GRIP1: variants seen among roughly 807,000 people sequenced by gnomAD.
GRIP1 encodes the protein glutamate receptor interacting protein 1, also known as glutamate receptor-interacting protein 1.
In GRIP1, 45 loss-of-function variants were observed where a neutral mutation model predicts 129.9. That is an observed-to-expected ratio of 0.35 (90% CI 0.27 to 0.44). The LOEUF (loss-of-function observed/expected upper bound fraction) is 0.44. GRIP1 is among the 20% of genes least tolerant of loss of function. The pLI, the probability that GRIP1 is intolerant of heterozygous loss-of-function variation, is 1.00. For missense variants in GRIP1, 1,196 were observed against 1,396.8 expected, an observed-to-expected ratio of 0.86 and a Z score of 2.29; for synonymous variants, 530 against 520.8, an observed-to-expected ratio of 1.02 and a Z score of -0.24.
chr12:66,611,386 T>C (rs1008447512), intron 1 of GRIP1, among the ~76,000 whole-genome samples: 7 of 152,156 alleles, frequency 4.6e-5, no homozygotes, highest in African/African-American at 1.4e-4. Context: ...ACAAACCTAA[T>C]TGAAAAAAGA....
At chr12:66,533,880 T>TAC (rs747153857) in intron 4 of GRIP1, among the ~76,000 whole-genome samples, 13 of 128,778 alleles carry the variant, frequency 1.0e-4, no homozygotes, top group South Asian at 2.6e-4. Flanking sequence ...CACACACACA[T>TAC]ACACACACTC....
At chr12:66,478,993 C>T (rs568072062) in intron 7 of GRIP1, among the ~76,000 whole-genome samples, 31 of 151,214 alleles carry the variant, frequency 2.1e-4, no homozygotes, top group African/African-American at 6.6e-4. Flanking sequence ...CAAACCTGCA[C>T]GTTGTGCACA....
Position 66,773,689 on chromosome 12 carries a change from C to A in GRIP1, c.-420+30364G>T, listed in dbSNP as rs112945994. Among the ~76,000 whole-genome samples, 443 of 152,086 alleles carry A rather than the reference C, an allele frequency of 2.9e-3. 1 individual carries two copies. Among genetic ancestry groups the A allele is most frequent in the African/African-American group, 0.01 (421 of 41,482 alleles). ...ACCTGCACATTCTGCACGTGTATCC[C>A]AGAACTTAAAGTATAATAATAAAAA... On this transcript the variant is annotated intron_variant, in intron 1 of 4. Transcript: ENST00000538373.
upstream of GRIP1, among the ~76,000 whole-genome samples, chr12:66,680,687 G>C (rs1054199622): frequency 2.0e-5 from 3 of 152,058 alleles, no homozygotes; most frequent in African/African-American, 7.2e-5. Flanking sequence ...TGAGTTACTA[G>C]CTAAAGTGAG....
intron 1 of GRIP1, among the ~76,000 whole-genome samples, chr12:67,016,380 TA>T (rs2042787455): frequency 6.6e-6 from 1 of 152,144 alleles, no homozygotes; most frequent in African/African-American, 2.4e-5. Context: ...TCATGACCTT[TA>T]TTTATAAGAA....
intron 1 of GRIP1, among the ~76,000 whole-genome samples, chr12:66,890,656 G>A (rs2040643255): frequency 6.6e-6 from 1 of 151,880 alleles, no homozygotes; most frequent in African/African-American, 2.4e-5. Flanking sequence ...AAAATTAGGG[G>A]AAAAAAGAAT....
intron 1 of GRIP1, among the ~76,000 whole-genome samples, chr12:66,753,385 A>T (rs2037188696): frequency 6.6e-6 from 1 of 152,188 alleles, no homozygotes; most frequent in Non-Finnish European, 1.5e-5. Flanking sequence ...AGGATCTGGG[A>T]CATGGTAAAG....
At chr12:66,501,790 G>A (rs1294561348) in intron 7 of GRIP1, among the ~76,000 whole-genome samples, 1 of 152,176 alleles carries the variant, frequency 6.6e-6, no homozygotes, top group Non-Finnish European at 1.5e-5. Flanking sequence ...ATCTGAAAAG[G>A]AGGGAATTTT....
rs1252501493 is a variant in GRIP1 at position 67,021,348 on chromosome 12, T to C, written c.58+47702A>G. Reference sequence around the variant, plus strand: ...GATCTGTTTGCATTTCTTGAAATTTTAGGCAAATGAGATCATGCAGTAAAC... The same window carrying C: ...GATCTGTTTGCATTTCTTGAAATTTCAGGCAAATGAGATCATGCAGTAAAC... On this transcript the variant is annotated intron_variant, in intron 1 of 1. Coordinates refer to the GRIP1 transcript ENST00000643019. Among the ~76,000 whole-genome samples, 10 of 152,296 alleles carry C rather than the reference T, an allele frequency of 6.6e-5. No homozygotes were observed. In the South Asian group the frequency reaches 1.7e-3, roughly 25 times the overall value.
At chr12:66,616,878 C>T (rs1191379858) in intron 1 of GRIP1, among the ~76,000 whole-genome samples, 1 of 152,094 alleles carries the variant, frequency 6.6e-6, no homozygotes, top group Non-Finnish European at 1.5e-5. Context: ...CCTGCTGTGA[C>T]CACAGCCAAA....
At chr12:66,936,801 A>G (rs572263455) in intron 1 of GRIP1, among the ~76,000 whole-genome samples, 2 of 152,342 alleles carry the variant, frequency 1.3e-5, no homozygotes, top group South Asian at 4.1e-4. Context: ...CCACCAGGGT[A>G]ACCACAAAAT....
At chr12:66,478,362 A>C (rs572338486) in intron 7 of GRIP1, among the ~76,000 whole-genome samples, 36 of 152,312 alleles carry the variant, frequency 2.4e-4, no homozygotes, top group African/African-American at 7.0e-4. Flanking sequence ...GGCAATCATT[A>C]AAAAGTCAGG....
chr12:66,987,875 C>A (rs1477301373), intron 1 of GRIP1, among the ~76,000 whole-genome samples: 2 of 152,210 alleles, frequency 1.3e-5, no homozygotes, highest in South Asian at 4.1e-4. Context: ...AACAGCACTA[C>A]AAGAACACGT....
At chr12:66,772,207 G>A (rs1389870538) in intron 1 of GRIP1, among the ~76,000 whole-genome samples, 1 of 152,184 alleles carries the variant, frequency 6.6e-6, no homozygotes, top group Non-Finnish European at 1.5e-5. Context: ...TGTAAACCTG[G>A]TCCTGTGATG....
chr12:66,894,182 GTCTT>G lies in GRIP1; in HGVS notation c.58+174864_58+174867del, dbSNP rs74516800. Among the ~76,000 whole-genome samples, 721 of 152,268 alleles carry G rather than the reference GTCTT, an allele frequency of 4.7e-3. 33 individuals are homozygous for G. The East Asian group carries it at 0.1, about 22-fold the overall frequency. On this transcript the variant is annotated intron_variant, in intron 1 of 1. Transcript: ENST00000643019. ...TTATCCAGAAAGGACACATTTAAAA[GTCTT>G]TCTCCAATATCTTCTGTAAGTACCC... is the stretch of plus-strand genomic sequence containing the variant.
intron 2 of GRIP1, among the ~76,000 whole-genome samples, chr12:66,574,624 T>A (rs999755026): frequency 6.6e-6 from 1 of 152,210 alleles, no homozygotes; most frequent in Non-Finnish European, 1.5e-5. Flanking sequence ...TATTGATAGA[T>A]ATTTTAGGTT....
intron 11 of GRIP1, among the ~76,000 whole-genome samples, chr12:66,453,294 T>C (rs1052197600): frequency 1.3e-5 from 2 of 152,204 alleles, no homozygotes; most frequent in African/African-American, 2.4e-5. Flanking sequence ...AATACTAGCC[T>C]TTGAAGCAGA....
At chr12:66,520,674 C>T (rs1398644332) in intron 5 of GRIP1, among the ~76,000 whole-genome samples, 2 of 152,188 alleles carry the variant, frequency 1.3e-5, no homozygotes, top group African/African-American at 2.4e-5. Flanking sequence ...GGGTGTTTTA[C>T]TAACATTACA....
chr12:66,619,002 A>G (rs1426505952), intron 1 of GRIP1, among the ~76,000 whole-genome samples: 1 of 152,142 alleles, frequency 6.6e-6, no homozygotes, highest in African/African-American at 2.4e-5. Flanking sequence ...TATGAACCGA[A>G]GCAAATACTC....
Sources: gnomAD v4.1 joint callset for allele counts (sites outside exome capture counted in the v4.1 genomes callset) on GRCh38, gnomAD v4.1.1 for gene constraint, MANE v1.5 for transcripts, NCBI Gene and HGNC (gene_info 2026-07-23, HGNC 2026-07-21) for gene names.